Variants in C2 observed in about 807,000 individuals in gnomAD.
The protein encoded by C2 is C3/C5 convertase.
C2 carries 64 observed loss-of-function variants against 85.2 expected under a neutral mutation model. The observed-to-expected ratio is 0.75, with a 90% confidence interval of 0.61 to 0.92. The LOEUF (loss-of-function observed/expected upper bound fraction) is 0.92, where lower values mean the gene tolerates loss of function less well. Among genes scored for constraint, C2 ranks in the 40% least tolerant of loss-of-function variants. The pLI, the probability that C2 is intolerant of heterozygous loss-of-function variation, is 0.00. For synonymous variants in C2, 311 were observed against 370.8 expected (o/e 0.84, Z 1.85); for missense variants, 820 against 971.6 (o/e 0.84, Z 2.07).
In C2 at chr6:31,943,190, T is replaced by G. The variant is rs1324753417; in HGVS notation, c.1361-35T>G. On this transcript the variant is annotated intron_variant, in intron 10 of 17. Transcript: ENST00000299367. The surrounding 1 kb of genome is among the most constrained non-coding windows in gnomAD (Gnocchi z 6.4). ...GGAACCTGGACACAGTGCCCCTCACTTGCCTCCTTCCCCATCTGATCCTCA... is the reference window on the plus strand; with the variant it reads ...GGAACCTGGACACAGTGCCCCTCACGTGCCTCCTTCCCCATCTGATCCTCA... 6.2e-7 allele frequency: 1 copy of G among 1,612,196 alleles called. No individual in the cohort carries two copies. Among genetic ancestry groups the G allele is most frequent in the African/African-American group, 1.3e-5 (1 of 74,876 alleles).
chr6:31,938,256 TGTA>T (rs976585914), intron 8 of C2, among the ~76,000 whole-genome samples: 10 of 152,006 alleles, frequency 6.6e-5, no homozygotes, highest in African/African-American at 2.2e-4. Flanking sequence ...AGGAACAGTC[TGTA>T]GTGGATCTGG....
Position 31,945,147 on chromosome 6 carries a change from G to T in C2, c.2080-31G>T. 1 of 1,611,254 alleles carries T rather than the reference G, an allele frequency of 6.2e-7. No individual in the cohort carries two copies. On this transcript the variant is annotated intron_variant, in intron 17 of 17. Transcript: ENST00000299367. This position sits in a 1 kb window ranked among gnomAD's most constrained non-coding sequence, Gnocchi z 5.3. ...GGGGCTTACAGTTGGGGCTGTGGCA[G>T]CCTCCCAGCCAGTTCTCTCCTTTTC...
At chr6:31,915,887 A>G (rs935842153), upstream of C2, among the ~76,000 whole-genome samples, 2 of 152,238 alleles carry the variant, frequency 1.3e-5, no homozygotes, top group Non-Finnish European at 2.9e-5. Flanking sequence ...AAGAGCCTCA[A>G]TGGCTGCCTC....
intron 3 of C2, chr6:31,932,234 C>CGGGCTGG (rs1268232831): frequency 6.8e-6 from 1 of 147,540 alleles, no homozygotes; most frequent in Non-Finnish European, 1.4e-5. Context: ...GGCGGCTGGC[C>CGGGCTGG]GGGCTGGGGG....
Position 31,937,361 on chromosome 6 carries a change from A to T in C2, c.1031A>T (p.Asn344Ile). 1 of 1,612,902 alleles carries T rather than the reference A, an allele frequency of 6.2e-7. No individual in the cohort carries two copies. Among genetic ancestry groups the T allele is most frequent in the Non-Finnish European group, 8.5e-7 (1 of 1,179,974 alleles). The change falls in exon 8 of 18, where the codon AAC becomes ATC. Residue 344 changes from asparagine to isoleucine, a missense_variant. By Grantham distance (149) the Asn-to-Ile change is moderately radical. Transcript: ENST00000299367. ...GTGTNTYAAL[N>I]SVYLMMNNQM... ...GGGACTAACACCTATGCGGCCTTAA[A>T]CAGTGTCTATCTCATGATGAACAAC...
upstream of C2, chr6:31,897,892 C>A (rs762043023): frequency 5.0e-5 from 53 of 1,056,510 alleles, no homozygotes; most frequent in Middle Eastern, 4.3e-4. Flanking sequence ...GGACCGAGGG[C>A]GAGACACGCC....
chr6:31,913,193 G>A (rs2151715266), intron 1 of C2, among the ~76,000 whole-genome samples: 1 of 152,216 alleles, frequency 6.6e-6, no homozygotes. Flanking sequence ...TGATTCTCCT[G>A]CCTCAGCCTC....
rs562069898 is a variant in C2, at chr6:31,942,062, C to T, written c.1220-897C>T. Among the ~76,000 whole-genome samples, 6 of 150,574 alleles carry T rather than the reference C, an allele frequency of 4.0e-5. No homozygotes were observed. The East Asian group carries it at 1.2e-3, about 30-fold the overall frequency. The stretch of plus-strand genomic sequence containing the variant: ...TGAATTCCTGACCTCGTGATCTGCC[C>T]GCCTCAGCCTCCCAGAGTGCTGGGA... On this transcript the variant is annotated intron_variant, in intron 9 of 17. Transcript: ENST00000299367.
Position 31,914,363 on chromosome 6 carries a change from T to TGGGCAGATCATGA in C2, c.73+13228_73+13229insAGATCATGAGGGC, listed in dbSNP as rs1554274273. On this transcript the variant is annotated intron_variant, in intron 1 of 3. Coordinates refer to the C2 transcript ENST00000452202. ...ATCCCAGCACTTTGGGAGGCCGAGGTGGGCGGATCATGAGGTCAGGAGTTC... is the reference window on the plus strand; with the variant it reads ...ATCCCAGCACTTTGGGAGGCCGAGGTGGGCAGATCATGAGGGCGGATCATGAGGTCAGGAGTTC... Among the ~76,000 whole-genome samples, 51 of 140,394 alleles carry TGGGCAGATCATGA rather than the reference T, an allele frequency of 3.6e-4. 1 individual carries two copies. The East Asian group carries it at 9.1e-3, about 25-fold the overall frequency. 92.1% of individuals were successfully genotyped at this position (140,394 alleles called of 152,430 possible). A position where few individuals can be genotyped will look rare whatever the true frequency, so the allele number is the denominator to read the frequency against.
intron 3 of C2, among the ~76,000 whole-genome samples, chr6:31,932,850 C>G (rs1770017490): frequency 6.6e-6 from 1 of 152,276 alleles, no homozygotes; most frequent in Non-Finnish European, 1.5e-5. Context: ...GAACGAGACT[C>G]CGTCTGCAAT....
At chr6:31,928,948 G>A (rs1466044908) in intron 3 of C2, 31 bp downstream of exon 3, 20 of 1,581,984 alleles carry the variant, frequency 1.3e-5, no homozygotes, top group Non-Finnish European at 1.6e-5. Flanking sequence ...GCTACACAGG[G>A]GGCTGGGGTC....
At chr6:31,911,322 T>TAA (rs914955819) in intron 1 of C2, among the ~76,000 whole-genome samples, 2 of 136,376 alleles carry the variant, frequency 1.5e-5, no homozygotes, top group African/African-American at 5.4e-5. Flanking sequence ...AATAAATACA[T>TAA]AAAAAAAAAA....
chr6:31,942,889 T>C, intron 9 of C2, 70 bp from the exon 10 acceptor site: 1 of 1,597,396 alleles, frequency 6.3e-7, no homozygotes, highest in Non-Finnish European at 8.6e-7. Flanking sequence ...GAGTTTCAGA[T>C]GACAGCCTCC....
intron 2 of C2, 61 bp from the exon 3 acceptor site, chr6:31,928,671 T>G (rs1769464867): frequency 1.3e-6 from 2 of 1,538,798 alleles, no homozygotes. Context: ...ACCTGCTTAA[T>G]CCCCAGCCCA....
chr6:31,934,732 G>A, intron 6 of C2: 1 of 1,107,128 alleles, frequency 9.0e-7, no homozygotes, highest in Non-Finnish European at 1.1e-6. Flanking sequence ...GTGATAGACT[G>A]GGCATGGTGG....
chr6:31,916,499 C>T (rs9469072), upstream of C2, among the ~76,000 whole-genome samples: 11,050 of 144,854 alleles, frequency 0.076, 608 homozygotes, highest in African/African-American at 0.16. Flanking sequence ...GCGGAGGTTG[C>T]GGTGAGCAGA....
rs1768876415 is a variant in C2, at chr6:31,920,364, A to G, written c.-100+338A>G. On this transcript the variant is annotated intron_variant, in intron 1 of 3. Coordinates refer to the C2 transcript ENST00000413154. This position sits in a 1 kb window ranked among gnomAD's most constrained non-coding sequence, Gnocchi z 5.6. ...GGGGATGAATATCTCCCCACTCCCC[A>G]GGATAAAGGAAAACATTAGAGAGGA... Among the ~76,000 whole-genome samples, 1 of 152,170 alleles carries G rather than the reference A, an allele frequency of 6.6e-6. No individual in the cohort carries two copies. The highest frequency in any genetic ancestry group is 2.4e-5 in the African/African-American group (1 of 41,448).
rs753882371 is a variant in C2, at chr6:31,921,510, G to A, written c.-100+1484G>A. 7.2e-5 allele frequency among the ~76,000 whole-genome samples: 11 copies of A among 152,140 alleles called. No individual in the cohort carries two copies. Among genetic ancestry groups the A allele is most frequent in the Non-Finnish European group, 2.9e-5 (2 of 68,004 alleles). On this transcript the variant is annotated intron_variant, in intron 1 of 3. Transcript: ENST00000413154. This position sits in a 1 kb window ranked among gnomAD's most constrained non-coding sequence, Gnocchi z 4.6. ...GGGCTGGGGTAGACTTCAGGGATGC[G>A]CAAGGAGCTCCCAGCAGTCACTAAA...
rs1313536514 is a variant in C2, at chr6:31,945,179, T to C, written c.2081T>C (p.Val694Ala). The change falls in exon 18 of 18, where the codon GTG becomes GCG. Residue 694 changes from valine (V) to alanine (A), a missense_variant and splice_region_variant. Physicochemically the swap from Val to Ala is moderately conservative, Grantham distance 64 (BLOSUM62 0). Transcript: ENST00000299367. The surrounding 1 kb of genome is among the most constrained non-coding windows in gnomAD (Gnocchi z 5.3). The stretch of plus-strand genomic sequence containing the variant: ...AGCCAGTTCTCTCCTTTTCTCCAGG[T>C]GGGTCTGGTGAGCTGGGGTCTTTAC... ...FLERRFRFFQ[V>A]GLVSWGLYNP... 2 of 1,612,864 alleles carry C rather than the reference T, an allele frequency of 1.2e-6. No individual in the cohort carries two copies. Among genetic ancestry groups the C allele is most frequent in the African/African-American group, 1.3e-5 (1 of 74,956 alleles).
Sources: allele counts gnomAD v4.1 joint callset (sites outside exome capture counted in the v4.1 genomes callset), GRCh38; gene constraint gnomAD v4.1.1; non-coding constraint Gnocchi (gnomAD v3.1); transcripts MANE v1.5; gene names NCBI Gene and HGNC (gene_info 2026-07-23, HGNC 2026-07-21).